CDH18: variants seen among roughly 807,000 people sequenced by gnomAD.
The protein encoded by CDH18 is cadherin 18.
Under a neutral mutation model 67.9 loss-of-function variants are expected in CDH18, and 31 were observed. The ratio of observed to expected loss-of-function variants is 0.46; its 90% CI spans 0.34 to 0.62. The LOEUF (loss-of-function observed/expected upper bound fraction) is 0.62. Ranked by LOEUF, CDH18 falls within the 20% of genes least tolerant of loss-of-function variation. CDH18 has a pLI of 0.01. For synonymous variants in CDH18, 362 were observed against 347.2 expected, an observed-to-expected ratio of 1.04 and a Z score of -0.48; for missense variants, 890 against 975.5, an observed-to-expected ratio of 0.91 and a Z score of 1.17.
At chr5:20,196,287 T>G (rs1738971246) in intron 2 of CDH18, among the ~76,000 whole-genome samples, 1 of 152,072 alleles carries the variant, frequency 6.6e-6, no homozygotes, top group Non-Finnish European at 1.5e-5. Context: ...TCTGACTATT[T>G]TAAATATATA....
intron 2 of CDH18, among the ~76,000 whole-genome samples, chr5:20,052,626 A>G (rs909571383): frequency 6.6e-6 from 1 of 152,088 alleles, no homozygotes; most frequent in Non-Finnish European, 1.5e-5. Context: ...TAAATCCTAG[A>G]AAAAGCTATT....
At chr5:20,186,786 T>G (rs1738137000) in intron 2 of CDH18, among the ~76,000 whole-genome samples, 2 of 151,970 alleles carry the variant, frequency 1.3e-5, no homozygotes, top group African/African-American at 2.4e-5. Context: ...CCAGAAATTC[T>G]TCCAGGTATA....
rs187545503 is a variant in CDH18, at chr5:20,289,663, G to C, written c.-579-34158C>G. 1.1e-4 allele frequency among the ~76,000 whole-genome samples: 16 copies of C among 151,844 alleles called. No homozygotes were observed. In the East Asian group the frequency reaches 2.7e-3, roughly 26 times the overall value. On this transcript the variant is annotated intron_variant, in intron 1 of 14. Coordinates refer to the CDH18 transcript ENST00000507958. ...TGTAAATTATAGAACTTAGTTTCTA[G>C]CTGCAACAAATAAAATCTTAGAAGA... is the stretch of plus-strand genomic sequence containing the variant.
At chr5:19,643,192 G>A (rs2150232733) in intron 5 of CDH18, among the ~76,000 whole-genome samples, 2 of 152,142 alleles carry the variant, frequency 1.3e-5, no homozygotes, top group South Asian at 4.1e-4. Flanking sequence ...GATAATTATT[G>A]GCGAGGTGAT....
intron 1 of CDH18, among the ~76,000 whole-genome samples, chr5:20,269,678 T>A (rs1745293489): frequency 6.6e-6 from 1 of 152,056 alleles, no homozygotes; most frequent in African/African-American, 2.4e-5. Context: ...TGTATTCATA[T>A]GTATGTAGAA....
intron 3 of CDH18, among the ~76,000 whole-genome samples, chr5:19,827,487 A>G (rs1780530058): frequency 6.6e-6 from 1 of 152,156 alleles, no homozygotes; most frequent in Admixed American, 6.6e-5. Flanking sequence ...CACACAATAA[A>G]AAATAAAACA....
chr5:20,256,968 A>G lies in CDH18; in HGVS notation c.-579-1463T>C, dbSNP rs370117029. ...ATCTATCTATCTATCTATCTAATCTATCTATATCTATATCTATATCTATCT... is the reference window on the plus strand; with the variant it reads ...ATCTATCTATCTATCTATCTAATCTGTCTATATCTATATCTATATCTATCT... On this transcript the variant is annotated intron_variant, in intron 1 of 14. Transcript: ENST00000507958. Among the ~76,000 whole-genome samples, 85 of 92,040 alleles carry G rather than the reference A, an allele frequency of 9.2e-4. 1 individual carries two copies. The South Asian group carries it at 0.013, about 14-fold the overall frequency. The allele number at this position is 92,040 out of a possible 152,430, so 60.4% of individuals were successfully genotyped here.
At chr5:19,767,575 C>A (rs1773253306) in intron 3 of CDH18, among the ~76,000 whole-genome samples, 1 of 151,756 alleles carries the variant, frequency 6.6e-6, no homozygotes, top group East Asian at 1.9e-4. Flanking sequence ...GAAATTAAAA[C>A]AGAATAATGA....
chr5:20,399,951 A>T (rs962261978), intron 1 of CDH18, among the ~76,000 whole-genome samples: 5 of 152,190 alleles, frequency 3.3e-5, no homozygotes, highest in African/African-American at 1.2e-4. Context: ...GAGCTATAAG[A>T]CAGTGTACAC....
rs781336280 is a variant in CDH18 at position 19,979,218 on chromosome 5, G to GTT, written c.-257+1841_-257+1842insAA. Among the ~76,000 whole-genome samples the GTT allele has an allele frequency of 8.6e-3, 1,202 of 139,670 alleles. 7 individuals carry two copies. Among genetic ancestry groups the GTT allele is most frequent in the Middle Eastern group, 0.027 (7 of 264 alleles). The allele number at this position is 139,670 out of a possible 152,430, so 91.6% of individuals were successfully genotyped here. On this transcript the variant is annotated intron_variant, in intron 2 of 12. Coordinates refer to ENST00000382275, the MANE Select transcript of CDH18 (RefSeq NM_004934.5). ...AGGTGATTGTTGGTGGGGATGGAGT[G>GTT]TGTGTGTGTGTGTGTGTGTGTGTGT...
At chr5:19,516,149 A>G (rs907382140) in intron 10 of CDH18, among the ~76,000 whole-genome samples, 5 of 152,194 alleles carry the variant, frequency 3.3e-5, no homozygotes, top group East Asian at 1.9e-4. Context: ...GATGGATTAC[A>G]TTTATTGATT....
At position 20,548,939 on chromosome 5, in the gene CDH18, A is replaced by G. The variant is rs141215791; in HGVS notation, c.-580+26523T>C. On this transcript the variant is annotated intron_variant, in intron 1 of 14. Transcript: ENST00000507958. Reference sequence around the variant, plus strand: ...TTCGATTCACAGTGGTGTAGGATTGAATATGATGGAACATATAGGGTGATA... The same window carrying G: ...TTCGATTCACAGTGGTGTAGGATTGGATATGATGGAACATATAGGGTGATA... Among the ~76,000 whole-genome samples, 41 of 152,290 alleles carry G rather than the reference A, an allele frequency of 2.7e-4. 1 individual carries two copies. Among genetic ancestry groups the G allele is most frequent in the African/African-American group, 8.4e-4 (35 of 41,572 alleles).
At position 19,715,265 on chromosome 5, in the gene CDH18, C is replaced by A. The variant is rs572095235; in HGVS notation, c.643+6082G>T. Among the ~76,000 whole-genome samples, 7 of 152,230 alleles carry A rather than the reference C, an allele frequency of 4.6e-5. No individual in the cohort carries two copies. In the South Asian group the frequency reaches 1.5e-3, roughly 32 times the overall value. On this transcript the variant is annotated intron_variant, in intron 5 of 12. Transcript: ENST00000382275. ...TGTTGATGAATTTAACTACTTTATGCAGACTGAAGAAATAATGTTGAAAAA... is the reference window on the plus strand; with the variant it reads ...TGTTGATGAATTTAACTACTTTATGAAGACTGAAGAAATAATGTTGAAAAA...
chr5:20,318,806 G>A (rs1384028738), intron 1 of CDH18, among the ~76,000 whole-genome samples: 5 of 152,110 alleles, frequency 3.3e-5, no homozygotes, highest in East Asian at 1.9e-4. Context: ...TATGCACAAT[G>A]TGCAGGTTTG....
In CDH18 at chr5:19,730,584, A is replaced by C. The variant is rs142810703; in HGVS notation, c.524-9118T>G. ...TATGCATCTTATTTCTATGGACTGA[A>C]AGTAAGTTATGTTTTTAATAATTTT... On this transcript the variant is annotated intron_variant, in intron 4 of 12. Transcript: ENST00000382275. 1.1e-3 allele frequency among the ~76,000 whole-genome samples: 175 copies of C among 152,288 alleles called. No individual in the cohort carries two copies. The East Asian group carries it at 0.026, about 22-fold the overall frequency.
chr5:20,091,712 C>T (rs1364245904), intron 2 of CDH18, among the ~76,000 whole-genome samples: 2 of 152,048 alleles, frequency 1.3e-5, no homozygotes, highest in East Asian at 3.9e-4. Context: ...TAAATAAATA[C>T]TGATCCTCTC....
At chr5:19,633,995 T>C (rs1407321539) in intron 5 of CDH18, among the ~76,000 whole-genome samples, 3 of 152,306 alleles carry the variant, frequency 2.0e-5, no homozygotes, top group Admixed American at 2.0e-4. Flanking sequence ...ATGATATCAC[T>C]TTAGTAACTT....
chr5:19,746,742 G>T (rs552849275), intron 4 of CDH18, among the ~76,000 whole-genome samples, 200 bp downstream of exon 4: 1 of 152,156 alleles, frequency 6.6e-6, no homozygotes, highest in Non-Finnish European at 1.5e-5. Context: ...TACATGATTA[G>T]AAATCAATTT....
intron 2 of CDH18, among the ~76,000 whole-genome samples, chr5:20,091,518 C>A (rs1319972020): frequency 1.3e-5 from 2 of 151,992 alleles, no homozygotes; most frequent in East Asian, 3.9e-4. Context: ...CAAAATGAAA[C>A]AACAACAACA....
Sources: allele counts gnomAD v4.1 joint callset (sites outside exome capture counted in the v4.1 genomes callset), GRCh38; gene constraint gnomAD v4.1.1; transcripts MANE v1.5; gene names NCBI Gene and HGNC (gene_info 2026-07-23, HGNC 2026-07-21).